Variants in KIRREL3 observed in about 807,000 individuals in gnomAD.
KIRREL3 encodes the protein kirre like nephrin family adhesion molecule 3.
In KIRREL3, 36 loss-of-function variants were observed where a neutral mutation model predicts 89.7. The ratio of observed to expected loss-of-function variants is 0.40; its 90% CI spans 0.31 to 0.53. The LOEUF is 0.53. Ranked by LOEUF, KIRREL3 falls within the 20% of genes least tolerant of loss-of-function variation. The pLI is 0.49. For synonymous variants in KIRREL3, 445 were observed against 441.4 expected, an observed-to-expected ratio of 1.01 and a Z score of -0.10; for missense variants, 864 against 1,056.6, an observed-to-expected ratio of 0.82 and a Z score of 2.53.
rs1345791036 is a variant in KIRREL3, at chr11:126,996,716, C to T, written c.55+3739G>A. ...CCAGCCAGGCAGGAGAGCAAGTGGG[C>T]TGCTTAGATTCTTCCCAGTAGGGAG... On this transcript the variant is annotated intron_variant, in intron 1 of 16. Transcript: ENST00000525144. This position sits in a 1 kb window ranked among gnomAD's most constrained non-coding sequence, Gnocchi z 4.7. Among the ~76,000 whole-genome samples the T allele has an allele frequency of 6.6e-6, 1 of 152,214 alleles. No individual in the cohort carries two copies. Among genetic ancestry groups the T allele is most frequent in the African/African-American group, 2.4e-5 (1 of 41,454 alleles).
In KIRREL3 at chr11:126,615,717, C is replaced by T. The variant is rs563798264; in HGVS notation, c.56-52805G>A. 3.9e-5 allele frequency among the ~76,000 whole-genome samples: 6 copies of T among 152,288 alleles called. No individual in the cohort carries two copies. The highest frequency in any genetic ancestry group is 1.4e-4 in the African/African-American group (6 of 41,562). ...CACCCAGTTACTGCTCTATCAGCCA[C>T]CTACCCCACATTCCTCCAGTGAGGT... On this transcript the variant is annotated intron_variant, in intron 1 of 16. Transcript: ENST00000525144. The surrounding 1 kb of genome is among the most constrained non-coding windows in gnomAD (Gnocchi z 5.4).
chr11:126,894,946 T>A (rs1336323233), intron 1 of KIRREL3, among the ~76,000 whole-genome samples: 1 of 151,824 alleles, frequency 6.6e-6, no homozygotes, highest in Non-Finnish European at 1.5e-5. Flanking sequence ...GAGAGGCATG[T>A]AGGAGGGTCC....
chr11:126,736,778 G>T lies in KIRREL3; in HGVS notation c.56-173866C>A, dbSNP rs1310613831. ...ATAAGAAAACCCGGGTGTGGGTAAG[G>T]TTAAAGGTCATGCTAATGTCCATGG... On this transcript the variant is annotated intron_variant, in intron 1 of 16. Transcript: ENST00000525144. This position sits in a 1 kb window ranked among gnomAD's most constrained non-coding sequence, Gnocchi z 5.0. Among the ~76,000 whole-genome samples the T allele has an allele frequency of 6.6e-6, 1 of 152,140 alleles. No homozygotes were observed. Among genetic ancestry groups the T allele is most frequent in the Non-Finnish European group, 1.5e-5 (1 of 68,034 alleles).
chr11:126,994,678 C>T lies in KIRREL3; in HGVS notation c.55+5777G>A, dbSNP rs780100256. Among the ~76,000 whole-genome samples the T allele has an allele frequency of 2.6e-4, 40 of 152,164 alleles. No individual in the cohort carries two copies. The highest frequency in any genetic ancestry group is 5.3e-4 in the Non-Finnish European group (36 of 68,030). ...AAAAGAATTAAAAAGCATAATGGTC[C>T]TAGCTCCTTCAGTGAGTTAGAAGCT... On this transcript the variant is annotated intron_variant, in intron 1 of 16. Coordinates refer to ENST00000525144, the MANE Select transcript of KIRREL3 (RefSeq NM_032531.4). The surrounding 1 kb of genome is among the most constrained non-coding windows in gnomAD (Gnocchi z 5.2).
In KIRREL3 at chr11:126,734,236, A is replaced by G. The variant is rs984029669; in HGVS notation, c.56-171324T>C. 1.3e-5 allele frequency among the ~76,000 whole-genome samples: 2 copies of G among 152,228 alleles called. No homozygotes were observed. The highest frequency in any genetic ancestry group is 4.8e-5 in the African/African-American group (2 of 41,462). On this transcript the variant is annotated intron_variant, in intron 1 of 16. Transcript: ENST00000525144. The surrounding 1 kb of genome is among the most constrained non-coding windows in gnomAD (Gnocchi z 5.9). ...TCCCAAGTCCCATGCTTTCATCAGAAAAAAAGCTCTACTTTTGGGATCTAT... is the reference window on the plus strand; with the variant it reads ...TCCCAAGTCCCATGCTTTCATCAGAGAAAAAGCTCTACTTTTGGGATCTAT...
rs140149112 is a variant in KIRREL3, at chr11:126,788,352, G to A, written c.55+212103C>T. Among the ~76,000 whole-genome samples, 4 of 152,340 alleles carry A rather than the reference G, an allele frequency of 2.6e-5. No homozygotes were observed. The highest frequency in any genetic ancestry group is 5.9e-5 in the Non-Finnish European group (4 of 68,040). On this transcript the variant is annotated intron_variant, in intron 1 of 16. Coordinates refer to ENST00000525144, the MANE Select transcript of KIRREL3 (RefSeq NM_032531.4). This position sits in a 1 kb window ranked among gnomAD's most constrained non-coding sequence, Gnocchi z 4.1. ...CCACTGTGCTACTCAGACAGGGTAT[G>A]CAAGTTGCATTTGACATTTCTGCAG...
Position 126,827,928 on chromosome 11 carries a change from G to A in KIRREL3, c.55+172527C>T, listed in dbSNP as rs187089472. 3.2e-3 allele frequency among the ~76,000 whole-genome samples: 485 copies of A among 152,258 alleles called. 1 individual carries two copies. Among genetic ancestry groups the A allele is most frequent in the Non-Finnish European group, 5.5e-3 (371 of 68,022 alleles). ...AATGACACAATGGTAAGAGCATTGG[G>A]TTTTGGAATTAGAATGACTTGGATC... On this transcript the variant is annotated intron_variant, in intron 1 of 16. Coordinates refer to ENST00000525144, the MANE Select transcript of KIRREL3 (RefSeq NM_032531.4).
chr11:126,806,819 T>G (rs1951218739), intron 1 of KIRREL3, among the ~76,000 whole-genome samples: 2 of 152,054 alleles, frequency 1.3e-5, no homozygotes, highest in Admixed American at 1.3e-4. Context: ...TTTGTCCTAA[T>G]GCTCTCCTCC....
intron 1 of KIRREL3, among the ~76,000 whole-genome samples, chr11:126,804,015 A>G (rs1175791734): frequency 6.6e-6 from 1 of 152,168 alleles, no homozygotes; most frequent in East Asian, 1.9e-4. Context: ...GCATGTGTCT[A>G]TGTGTGCATA....
chr11:126,634,284 G>A (rs1944173490), intron 1 of KIRREL3, among the ~76,000 whole-genome samples: 5 of 152,218 alleles, frequency 3.3e-5, no homozygotes, highest in Admixed American at 3.3e-4. Flanking sequence ...TCTACTTTGT[G>A]CCGGACCCTA....
intron 1 of KIRREL3, among the ~76,000 whole-genome samples, chr11:126,803,118 C>A (rs1272274613): frequency 6.6e-6 from 1 of 152,204 alleles, no homozygotes; most frequent in Non-Finnish European, 1.5e-5. Flanking sequence ...TGGCTCTCTG[C>A]AGTGCCCAGT....
rs116120758 is a variant in KIRREL3, at chr11:126,558,218, C to T, written c.133+4617G>A. Among the ~76,000 whole-genome samples the T allele has an allele frequency of 0.011, 1,625 of 152,268 alleles. 18 individuals carry two copies. The highest frequency in any genetic ancestry group is 0.031 in the South Asian group (148 of 4,822). On this transcript the variant is annotated intron_variant, in intron 2 of 16. Coordinates refer to ENST00000525144, the MANE Select transcript of KIRREL3 (RefSeq NM_032531.4). The surrounding 1 kb of genome is among the most constrained non-coding windows in gnomAD (Gnocchi z 4.0). ...GCTTCTTCCCTCCTTTAAATATCCT[C>T]TTCCTCATTTCCCCTTCTCAAGAGT...
In KIRREL3 at chr11:126,555,251, C is replaced by T. The variant is rs907968861; in HGVS notation, c.133+7584G>A. Among the ~76,000 whole-genome samples, 2 of 152,206 alleles carry T rather than the reference C, an allele frequency of 1.3e-5. No individual in the cohort carries two copies. Among genetic ancestry groups the T allele is most frequent in the Non-Finnish European group, 2.9e-5 (2 of 68,040 alleles). ...CTGCACTTGCTTGCTCACACACTCC[C>T]TCTCTCAAGCAGTGGCCAGAGGTAG... On this transcript the variant is annotated intron_variant, in intron 2 of 16. Transcript: ENST00000525144. The surrounding 1 kb of genome is among the most constrained non-coding windows in gnomAD (Gnocchi z 4.2).
chr11:126,455,612 C>T lies in KIRREL3; in HGVS notation c.848+737G>A, dbSNP rs193288049. Among the ~76,000 whole-genome samples, 9 of 147,180 alleles carry T rather than the reference C, an allele frequency of 6.1e-5. No homozygotes were observed. In the East Asian group the frequency reaches 1.0e-3, roughly 17 times the overall value. ...GACCATCCTGGCTAACACGGTGAAA[C>T]GCTGTCTCTACTAAAAATACAAAAA... On this transcript the variant is annotated intron_variant, in intron 7 of 16. Transcript: ENST00000525144. The surrounding 1 kb of genome is among the most constrained non-coding windows in gnomAD (Gnocchi z 6.4).
intron 1 of KIRREL3, among the ~76,000 whole-genome samples, chr11:126,916,260 G>A (rs1269927789): frequency 1.3e-5 from 2 of 152,168 alleles, no homozygotes; most frequent in Non-Finnish European, 2.9e-5. Flanking sequence ...CTCAGAATGT[G>A]CTGTTTTCAT....
At chr11:126,839,351 G>A (rs1943887017) in intron 1 of KIRREL3, among the ~76,000 whole-genome samples, 1 of 152,168 alleles carries the variant, frequency 6.6e-6, no homozygotes, top group Admixed American at 6.5e-5. Flanking sequence ...GTGTTTACAT[G>A]CAACACGTGG....
In KIRREL3 at chr11:126,805,402, T is replaced by C. The variant is rs1192349255; in HGVS notation, c.55+195053A>G. ...TTTAATTACTCAGATGCTCTTATGC[T>C]CCTCAAAGGTCCTAGTGCACCTCTT... On this transcript the variant is annotated intron_variant, in intron 1 of 16. Transcript: ENST00000525144. The surrounding 1 kb of genome is among the most constrained non-coding windows in gnomAD (Gnocchi z 4.3). Among the ~76,000 whole-genome samples, 1 of 152,092 alleles carries C rather than the reference T, an allele frequency of 6.6e-6. No individual in the cohort carries two copies. The highest frequency in any genetic ancestry group is 1.5e-5 in the Non-Finnish European group (1 of 68,012).
chr11:126,482,622 G>A (rs144783301), intron 4 of KIRREL3, among the ~76,000 whole-genome samples: 68 of 152,352 alleles, frequency 4.5e-4, no homozygotes, highest in African/African-American at 7.9e-4. Flanking sequence ...TTTGAAAGGC[G>A]ATAGACGGGC....
Position 126,486,395 on chromosome 11 carries a change from G to A in KIRREL3, c.434-12929C>T, listed in dbSNP as rs1351975379. Among the ~76,000 whole-genome samples, 4 of 152,188 alleles carry A rather than the reference G, an allele frequency of 2.6e-5. No homozygotes were observed. Among genetic ancestry groups the A allele is most frequent in the African/African-American group, 9.7e-5 (4 of 41,440 alleles). ...CTTACACTCACCCTCCCAGTCCTGCGGAGCGAGAGACTTTCTCCTTTCTCC... is the reference window on the plus strand; with the variant it reads ...CTTACACTCACCCTCCCAGTCCTGCAGAGCGAGAGACTTTCTCCTTTCTCC... On this transcript the variant is annotated intron_variant, in intron 4 of 16. Coordinates refer to ENST00000525144, the MANE Select transcript of KIRREL3 (RefSeq NM_032531.4). This position sits in a 1 kb window ranked among gnomAD's most constrained non-coding sequence, Gnocchi z 6.2.
Sources: gnomAD v4.1 joint callset for allele counts (sites outside exome capture counted in the v4.1 genomes callset) on GRCh38, gnomAD v4.1.1 for gene constraint, Gnocchi (gnomAD v3.1) non-coding constraint, MANE v1.5 for transcripts, NCBI Gene and HGNC (gene_info 2026-07-23, HGNC 2026-07-21) for gene names.